Variants in RAD54L2 observed in about 807,000 individuals in gnomAD.
The protein encoded by RAD54L2 is helicase ARIP4.
In RAD54L2, 27 loss-of-function variants were observed where a neutral mutation model predicts 138.4. That is an observed-to-expected ratio of 0.20 (90% CI 0.14 to 0.27). The LOEUF (loss-of-function observed/expected upper bound fraction) is 0.27. Among genes scored for constraint, RAD54L2 ranks in the 10% least tolerant of loss-of-function variants. The pLI, the probability that RAD54L2 is intolerant of heterozygous loss-of-function variation, is 1.00. For missense variants in RAD54L2, 1,396 were observed against 1,890.2 expected (o/e 0.74, Z 4.85); for synonymous variants, 644 against 723.2 (o/e 0.89, Z 1.76).
At position 51,645,809 on chromosome 3, in the gene RAD54L2, G is replaced by A. The variant is rs1419315085; in HGVS notation, c.2829+46G>A. On this transcript the variant is annotated intron_variant, in intron 18 of 22. Transcript: ENST00000684192. This position sits in a 1 kb window ranked among gnomAD's most constrained non-coding sequence, Gnocchi z 6.1. ...CAATCCCCAGAGTGGCAGTCTCTCT[G>A]TCAAAGGAGGCTTGTCTTGTAAGCT... 1.3e-6 allele frequency: 2 copies of A among 1,537,804 alleles called. No homozygotes were observed. Among genetic ancestry groups the A allele is most frequent in the Non-Finnish European group, 1.8e-6 (2 of 1,140,432 alleles).
At chr3:51,559,909 T>G (rs1020305168) in intron 2 of RAD54L2, among the ~76,000 whole-genome samples, 1 of 152,222 alleles carries the variant, frequency 6.6e-6, no homozygotes, top group Non-Finnish European at 1.5e-5. Flanking sequence ...CTATGTAGTA[T>G]TTTTGTAAGA....
chr3:51,574,515 C>T (rs1014934927), intron 2 of RAD54L2, among the ~76,000 whole-genome samples: 5 of 152,148 alleles, frequency 3.3e-5, no homozygotes, highest in Non-Finnish European at 7.3e-5. Flanking sequence ...CTGTTGTTTC[C>T]TGATTTTTTA....
Position 51,663,183 on chromosome 3 carries a change from A to G in RAD54L2, c.4167A>G (p.Pro1389=). The G allele has an allele frequency of 2.5e-6, 4 of 1,612,884 alleles. No homozygotes were observed. Among genetic ancestry groups the G allele is most frequent in the South Asian group, 2.2e-5 (2 of 91,010 alleles). ...GCTATTCACTCCCATTCTCACAGCC[A>G]CTCCTGTCCGAGCCGAGGATGTTTG... ...LPSYSLPFSQ[P]LLSEPRMFAP... The change falls in exon 23 of 23, where the codon CCA becomes CCG. Residue 1389 remains proline, a synonymous_variant. Coordinates refer to ENST00000684192, the MANE Select transcript of RAD54L2 (RefSeq NM_015106.4).
In RAD54L2 at chr3:51,640,045, A is replaced by T. The variant is rs551304179; in HGVS notation, c.2231+46A>T. 3 of 1,447,256 alleles carry T rather than the reference A, an allele frequency of 2.1e-6. No individual in the cohort carries two copies. In the South Asian group the frequency reaches 3.6e-5, roughly 18 times the overall value. 89.7% of individuals were successfully genotyped at this position (1,447,256 alleles called of 1,614,324 possible). Reference sequence around the variant, plus strand: ...TTGAGGCTGTGTGTCTATGGTAAAGAATGACAAAACCACCACAGAGCAAGA... The same window carrying T: ...TTGAGGCTGTGTGTCTATGGTAAAGTATGACAAAACCACCACAGAGCAAGA... On this transcript the variant is annotated intron_variant, in intron 14 of 22. Coordinates refer to ENST00000684192, the MANE Select transcript of RAD54L2 (RefSeq NM_015106.4).
At chr3:51,643,685 C>A (rs1453113545) in intron 15 of RAD54L2, among the ~76,000 whole-genome samples, 190 bp from the exon 16 acceptor site, 1 of 152,156 alleles carries the variant, frequency 6.6e-6, no homozygotes, top group Admixed American at 6.5e-5. Context: ...GTGAGAATCA[C>A]CTGGGGGTAT....
At chr3:51,598,109 A>G (rs551082459) in intron 3 of RAD54L2, among the ~76,000 whole-genome samples, 292 of 145,262 alleles carry the variant, frequency 2.0e-3, no homozygotes, top group African/African-American at 4.7e-3. Flanking sequence ...ATATATATAT[A>G]TGTGTGTGTG....
intron 2 of RAD54L2, among the ~76,000 whole-genome samples, chr3:51,543,497 A>C (rs1220252873): frequency 6.6e-6 from 1 of 151,456 alleles, no homozygotes; most frequent in African/African-American, 2.4e-5. Context: ...AATCCCAGCT[A>C]CTCGGGAGGC....
At chr3:51,656,876 C>T (rs908548273) in intron 20 of RAD54L2, among the ~76,000 whole-genome samples, 1 of 151,982 alleles carries the variant, frequency 6.6e-6, no homozygotes, top group African/African-American at 2.4e-5. Flanking sequence ...GCTGGAATTA[C>T]AGGCGTGTGC....
chr3:51,590,052 G>T (rs1047124774), intron 2 of RAD54L2, among the ~76,000 whole-genome samples: 8 of 152,026 alleles, frequency 5.3e-5, no homozygotes, highest in African/African-American at 1.9e-4. Context: ...ATGCAGTGGC[G>T]CCATCTTGGC....
chr3:51,558,115 G>A (rs1699015525), intron 2 of RAD54L2, among the ~76,000 whole-genome samples: 1 of 151,928 alleles, frequency 6.6e-6, no homozygotes. Flanking sequence ...CAAAGGGCTG[G>A]GATTACAGGT....
chr3:51,663,337 T>A lies in RAD54L2; in HGVS notation c.4321T>A (p.Ser1441Thr), dbSNP rs1178816181. Residue 1441 changes from serine to threonine, a missense_variant, in exon 23 of 23, where the codon TCT (serine) becomes ACT (threonine). Physicochemically the swap from Ser to Thr is moderately conservative, Grantham distance 58. Around this residue, in one of 7 missense-constraint regions of RAD54L2, gnomAD observed 634 missense variants for 711.2 expected, o/e 0.89. Coordinates refer to ENST00000684192, the MANE Select transcript of RAD54L2 (RefSeq NM_015106.4). The part of the protein sequence containing the change: ...LLRSQVPPFD[S>T]HEVAEVGFSS... ...ACGGTCCCAGGTGCCTCCATTTGAC[T>A]CTCATGAGGTTGCCGAGGTTGGGTT... The A allele has an allele frequency of 6.2e-7, 1 of 1,613,680 alleles. No homozygotes were observed. The highest frequency in any genetic ancestry group is 8.5e-7 in the Non-Finnish European group (1 of 1,179,868).
intron 2 of RAD54L2, among the ~76,000 whole-genome samples, chr3:51,583,564 CAT>C (rs1699652959): frequency 1.3e-5 from 2 of 150,960 alleles, no homozygotes; most frequent in African/African-American, 4.9e-5. Flanking sequence ...GGATTCCAGA[CAT>C]GTGCCACCAC....
chr3:51,627,703 A>G lies in RAD54L2; in HGVS notation c.290A>G (p.Asp97Gly), dbSNP rs1330396520. 1 of 1,613,780 alleles carries G rather than the reference A, an allele frequency of 6.2e-7. No homozygotes were observed. Among genetic ancestry groups the G allele is most frequent in the South Asian group, 1.1e-5 (1 of 90,974 alleles). The change falls in exon 4 of 23, where the codon GAC becomes GGC. Residue 97 changes from aspartate to glycine, a missense_variant. This residue lies in a region of RAD54L2 where 256 missense variants were observed against 344.6 expected (regional missense o/e 0.74). Transcript: ENST00000684192. ...CAAGGCAAGAACCTAGCCTCCGAGG[A>G]CCCCAAAAAGAAGAGAGCTCAGAAG... Reference protein sequence around the residue: ...RHQGKNLASEDPKKKRAQKPS... With the variant: ...RHQGKNLASEGPKKKRAQKPS...
intron 2 of RAD54L2, among the ~76,000 whole-genome samples, chr3:51,559,452 C>G (rs1353937161): frequency 6.6e-6 from 1 of 152,108 alleles, no homozygotes; most frequent in African/African-American, 2.4e-5. Flanking sequence ...TCGGTGCCTC[C>G]CCTGAGTGCT....
intron 3 of RAD54L2, among the ~76,000 whole-genome samples, chr3:51,611,117 C>G (rs1447453920): frequency 6.7e-6 from 1 of 149,306 alleles, no homozygotes; most frequent in Non-Finnish European, 1.5e-5. Flanking sequence ...TTTTTTTTCC[C>G]TTAGAGAGAT....
At chr3:51,632,720 C>T (rs1345562491) in intron 7 of RAD54L2, among the ~76,000 whole-genome samples, 2 of 151,178 alleles carry the variant, frequency 1.3e-5, no homozygotes, top group South Asian at 2.1e-4. Context: ...GGTGAAACCC[C>T]GTCTCTACTA....
Position 51,637,904 on chromosome 3 carries a change from C to T in RAD54L2, c.1683-240C>T, listed in dbSNP as rs1701026662. On this transcript the variant is annotated intron_variant, in intron 11 of 22. Transcript: ENST00000684192. This position sits in a 1 kb window ranked among gnomAD's most constrained non-coding sequence, Gnocchi z 5.9. ...AAGTAAGAACCTCAAGTTCCCCTGT[C>T]TCTGTCATGCAGTCAGACTTGACCT... Among the ~76,000 whole-genome samples, 1 of 152,208 alleles carries T rather than the reference C, an allele frequency of 6.6e-6. No homozygotes were observed. Among genetic ancestry groups the T allele is most frequent in the African/African-American group, 2.4e-5 (1 of 41,454 alleles).
intron 2 of RAD54L2, among the ~76,000 whole-genome samples, chr3:51,590,132 A>G (rs1699808795): frequency 6.6e-6 from 1 of 152,116 alleles, no homozygotes; most frequent in South Asian, 2.1e-4. Flanking sequence ...CTGGGATTAC[A>G]GGTGTGTGCC....
At position 51,663,375 on chromosome 3, in the gene RAD54L2, T is replaced by A. The variant is rs1475056008; in HGVS notation, c.4359T>A (p.Asp1453Glu). The change falls in exon 23 of 23, where the codon GAT becomes GAA. Residue 1453 changes from aspartate (D) to glutamate (E), a missense_variant. Transcript: ENST00000684192. ...CCGAGGTTGGGTTCAGCTCCAATGA[T>A]GATGAGGATAAAGACGATGATGTGA... Reference protein sequence around the residue: ...EVAEVGFSSNDDEDKDDDVIE... With the variant: ...EVAEVGFSSNEDEDKDDDVIE... 2 of 1,613,668 alleles carry A rather than the reference T, an allele frequency of 1.2e-6. 1 individual carries two copies. Among genetic ancestry groups the A allele is most frequent in the South Asian group, 2.2e-5 (2 of 91,070 alleles).
Sources: gnomAD v4.1 joint callset for allele counts (sites outside exome capture counted in the v4.1 genomes callset) on GRCh38, gnomAD v4.1.1 for gene constraint, gnomAD v4.1.1 regional missense constraint, Gnocchi (gnomAD v3.1) non-coding constraint, MANE v1.5 for transcripts, NCBI Gene and HGNC (gene_info 2026-07-23, HGNC 2026-07-21) for gene names.